ARMC8: variants seen among roughly 807,000 people sequenced by gnomAD.
ARMC8 encodes armadillo repeat-containing protein 8.
In ARMC8, 20 loss-of-function variants were observed where a neutral mutation model predicts 99.3. The ratio of observed to expected loss-of-function variants is 0.20; its 90% CI spans 0.14 to 0.29. The LOEUF (loss-of-function observed/expected upper bound fraction) is 0.29. Ranked by LOEUF, ARMC8 falls within the 10% of genes least tolerant of loss-of-function variation. The probability of loss-of-function intolerance (pLI) is 1.00; values close to 1 mark genes in which losing one functional copy is unlikely to be tolerated. For synonymous variants in ARMC8, 263 were observed against 278.3 expected, an observed-to-expected ratio of 0.95 and a Z score of 0.55; for missense variants, 569 against 809.5, an observed-to-expected ratio of 0.70 and a Z score of 3.60.
chr3:138,187,412 A>C lies in ARMC8; in HGVS notation c.-143A>C, dbSNP rs1038338769. On this transcript the variant is annotated 5_prime_UTR_variant, in exon 1 of 22. Coordinates refer to ENST00000469044, the MANE Select transcript of ARMC8 (RefSeq NM_001363941.2). ...CCTTCTTTCTGCGGGCCTTTCCGGTACTTGAGCGGTGTCCAGAGCGTGGCC... is the reference window on the plus strand; with the variant it reads ...CCTTCTTTCTGCGGGCCTTTCCGGTCCTTGAGCGGTGTCCAGAGCGTGGCC... 2.8e-5 allele frequency: 21 copies of C among 741,494 alleles called. No homozygotes were observed. The East Asian group carries it at 4.4e-4, about 16-fold the overall frequency. The allele number at this position is 741,494 out of a possible 1,614,324, so 45.9% of individuals were successfully genotyped here.
chr3:138,295,723 GC>G, intron 21 of ARMC8, 135 bp from the exon 22 acceptor site: 2 of 811,284 alleles, frequency 2.5e-6, no homozygotes, highest in Non-Finnish European at 2.0e-6. Flanking sequence ...TAAGGTAGGT[GC>G]CCACCTGGGC....
At chr3:138,221,831 TC>T in intron 2 of ARMC8, 94 bp from the exon 3 acceptor site, 2 of 983,650 alleles carry the variant, frequency 2.0e-6, no homozygotes, top group East Asian at 4.9e-5. Flanking sequence ...TTTTACTTTG[TC>T]AAATCTAAGA....
chr3:138,267,138 C>T lies in ARMC8; in HGVS notation c.1300-17C>T. ...ATCATTCCAAATCATTAGTAGTATC[C>T]TTTTTTAATTCCATAGGTTTTACAA... On this transcript the variant is annotated splice_polypyrimidine_tract_variant and intron_variant, in intron 14 of 21. Transcript: ENST00000469044. 2 of 1,390,900 alleles carry T rather than the reference C, an allele frequency of 1.4e-6. No homozygotes were observed. The highest frequency in any genetic ancestry group is 2.6e-5 in the South Asian group (2 of 76,426). The allele number at this position is 1,390,900 out of a possible 1,614,324, so 86.2% of individuals were successfully genotyped here.
rs1366577676 is a variant in ARMC8, at chr3:138,296,179, C to G, written c.*287C>G. The G allele has an allele frequency of 3.0e-6, 1 of 333,274 alleles. No homozygotes were observed. The highest frequency in any genetic ancestry group is 5.0e-5 in the Admixed American group (1 of 20,198). The allele number at this position is 333,274 out of a possible 1,614,324, so 20.6% of individuals were successfully genotyped here. A position where few individuals can be genotyped will look rare whatever the true frequency, so the allele number is the denominator to read the frequency against. On this transcript the variant is annotated 3_prime_UTR_variant, in exon 22 of 22. Coordinates refer to ENST00000469044, the MANE Select transcript of ARMC8 (RefSeq NM_001363941.2). ...TTTTCCTTTGGACCTACAATTTTTG[C>G]CTATGCTGCAGCCACTTTGTGAGTG... is the stretch of plus-strand genomic sequence containing the variant.
chr3:138,216,517 A>G (rs367718459), intron 2 of ARMC8, among the ~76,000 whole-genome samples: 5 of 152,214 alleles, frequency 3.3e-5, no homozygotes, highest in African/African-American at 1.2e-4. Flanking sequence ...ATGATAACAG[A>G]AAGGTTATCA....
intron 6 of ARMC8, among the ~76,000 whole-genome samples, chr3:138,231,937 C>G (rs1046150381): frequency 1.1e-4 from 17 of 148,900 alleles, no homozygotes; most frequent in East Asian, 9.8e-4. Flanking sequence ...GTTGGTTCAG[C>G]CACTAATTCT....
chr3:138,275,419 C>T (rs1048266556), intron 18 of ARMC8, among the ~76,000 whole-genome samples: 1 of 152,190 alleles, frequency 6.6e-6, no homozygotes, highest in East Asian at 1.9e-4. Context: ...ATTAGCCAGG[C>T]GCGGTGGCGG....
intron 19 of ARMC8, among the ~76,000 whole-genome samples, chr3:138,287,315 T>G (rs969498818): frequency 2.0e-5 from 3 of 152,106 alleles, no homozygotes; most frequent in Non-Finnish European, 4.4e-5. Context: ...AGGAACTTTT[T>G]CTCCTGCTTG....
At chr3:138,286,961 A>G (rs1577030977) in intron 19 of ARMC8, among the ~76,000 whole-genome samples, 1 of 152,124 alleles carries the variant, frequency 6.6e-6, no homozygotes, top group Non-Finnish European at 1.5e-5. Context: ...CAATTTATCA[A>G]CAAGTCCTAT....
intron 13 of ARMC8, 76 bp downstream of exon 13, chr3:138,263,897 G>A: frequency 7.8e-7 from 1 of 1,287,536 alleles, no homozygotes; most frequent in South Asian, 1.2e-5. Flanking sequence ...CCTTCACTGA[G>A]TAAACACAGA....
chr3:138,247,269 G>A (rs1156607325), intron 12 of ARMC8, among the ~76,000 whole-genome samples: 4 of 152,064 alleles, frequency 2.6e-5, no homozygotes, highest in South Asian at 2.1e-4. Context: ...TGTATTTTTT[G>A]TGTAGATCCT....
chr3:138,279,939 G>C (rs1414097528), intron 18 of ARMC8, among the ~76,000 whole-genome samples: 1 of 151,406 alleles, frequency 6.6e-6, no homozygotes, highest in Non-Finnish European at 1.5e-5. Flanking sequence ...GAGTCTCGCT[G>C]TGTCACCCAG....
intron 1 of ARMC8, among the ~76,000 whole-genome samples, chr3:138,196,176 A>T (rs1466075311): frequency 6.6e-6 from 1 of 152,192 alleles, no homozygotes; most frequent in Non-Finnish European, 1.5e-5. Flanking sequence ...ACTAAGGAAA[A>T]GGAAAGAGTC....
rs757859259 is a variant in ARMC8, at chr3:138,235,009, ATTG to A, written c.529-20_529-18del. 4.4e-6 allele frequency: 7 copies of A among 1,581,178 alleles called. No homozygotes were observed. The Admixed American group carries it at 8.4e-5, about 19-fold the overall frequency. On this transcript the variant is annotated intron_variant, in intron 6 of 21. Coordinates refer to ENST00000469044, the MANE Select transcript of ARMC8 (RefSeq NM_001363941.2). The stretch of plus-strand genomic sequence containing the variant: ...AATGAGTCATTACTCTTCTAAATAT[ATTG>A]TTGTATTCTTTTTTCTTACAGGGGC...
At chr3:138,243,401 G>A (rs1028544983) in intron 11 of ARMC8, among the ~76,000 whole-genome samples, 8 of 152,090 alleles carry the variant, frequency 5.3e-5, no homozygotes, top group South Asian at 2.1e-4. Flanking sequence ...CACTAGACCC[G>A]TAAAGAGAAA....
rs987175128 is a variant in ARMC8 at position 138,262,642 on chromosome 3, A to C, written c.1135-1097A>C. 6 of 1,497,232 alleles carry C rather than the reference A, an allele frequency of 4.0e-6. No homozygotes were observed. In the African/African-American group the frequency reaches 8.5e-5, roughly 21 times the overall value. 92.7% of individuals were successfully genotyped at this position (1,497,232 alleles called of 1,614,324 possible). ...AGGTGCCTAGCCCTGACCCTGGAGA[A>C]TCTAATTTAATTGGTCTGCTGTATG... On this transcript the variant is annotated intron_variant, in intron 12 of 21. Coordinates refer to ENST00000469044, the MANE Select transcript of ARMC8 (RefSeq NM_001363941.2).
intron 12 of ARMC8, among the ~76,000 whole-genome samples, chr3:138,251,345 C>T (rs1036877418): frequency 1.3e-5 from 2 of 152,124 alleles, no homozygotes; most frequent in Non-Finnish European, 2.9e-5. Context: ...GTATTTTTGT[C>T]TACCGTGAAA....
intron 5 of ARMC8, among the ~76,000 whole-genome samples, chr3:138,227,762 C>G (rs1009864386): frequency 2.6e-4 from 40 of 152,202 alleles, no homozygotes; most frequent in African/African-American, 9.4e-4. Flanking sequence ...GCATCAGCCT[C>G]ATTTGGAAGC....
Position 138,212,500 on chromosome 3 carries a change from G to A in ARMC8, c.122+2607G>A, listed in dbSNP as rs150739687. Among the ~76,000 whole-genome samples the A allele has an allele frequency of 7.2e-3, 1,097 of 152,106 alleles. 13 individuals are homozygous for A. Among genetic ancestry groups the A allele is most frequent in the African/African-American group, 0.025 (1,026 of 41,476 alleles). Reference sequence around the variant, plus strand: ...AATTTTGTATATTTAGTAGAGACGAGGTTTCTCCATGTTGGTCAGGCTGGT... The same window carrying A: ...AATTTTGTATATTTAGTAGAGACGAAGTTTCTCCATGTTGGTCAGGCTGGT... On this transcript the variant is annotated intron_variant, in intron 2 of 21. Transcript: ENST00000469044.
Sources: gnomAD v4.1 joint callset for allele counts (sites outside exome capture counted in the v4.1 genomes callset) on GRCh38, gnomAD v4.1.1 for gene constraint, MANE v1.5 for transcripts, NCBI Gene and HGNC (gene_info 2026-07-23, HGNC 2026-07-21) for gene names.